SLC7A11: variants seen among roughly 807,000 people sequenced by gnomAD.
The protein encoded by SLC7A11 is solute carrier family 7 member 11, also known as cystine/glutamate transporter.
Under a neutral mutation model 54.5 loss-of-function variants are expected in SLC7A11, and 35 were observed. That is an observed-to-expected ratio of 0.64 (90% CI 0.49 to 0.85). SLC7A11 has a LOEUF of 0.85. Among genes scored for constraint, SLC7A11 ranks in the 40% least tolerant of loss-of-function variants. SLC7A11 has a pLI of 0.00. For missense variants in SLC7A11, 583 were observed against 618.1 expected (o/e 0.94, Z 0.60); for synonymous variants, 230 against 225.2 (o/e 1.02, Z -0.19).
chr4:138,183,154 A>G (rs756802234), intron 8 of SLC7A11, 48 bp downstream of exon 8: 1 of 1,318,852 alleles, frequency 7.6e-7, no homozygotes, highest in Non-Finnish European at 1.1e-6. Flanking sequence ...TATCACATCC[A>G]ATCTCAAAAA....
At chr4:138,190,336 G>T (rs543010516) in intron 6 of SLC7A11, among the ~76,000 whole-genome samples, 1 of 152,112 alleles carries the variant, frequency 6.6e-6, no homozygotes, top group African/African-American at 2.4e-5. Context: ...GGAAACTGGG[G>T]ACTATTTCTT....
At chr4:138,183,614 G>A (rs770679287) in intron 7 of SLC7A11, among the ~76,000 whole-genome samples, 2 of 152,110 alleles carry the variant, frequency 1.3e-5, no homozygotes, top group Non-Finnish European at 2.9e-5. Flanking sequence ...ACTCTGACAA[G>A]TGATAAAAGC....
intron 7 of SLC7A11, among the ~76,000 whole-genome samples, chr4:138,183,801 T>C (rs1409109567): frequency 6.6e-6 from 1 of 152,138 alleles, no homozygotes; most frequent in Admixed American, 6.6e-5. Context: ...ATTTATAGCA[T>C]ATACATGAGT....
intron 4 of SLC7A11, among the ~76,000 whole-genome samples, chr4:138,222,576 C>A (rs79382880): frequency 6.6e-6 from 1 of 152,076 alleles, no homozygotes; most frequent in Admixed American, 6.5e-5. Context: ...CTCTCAATTT[C>A]TTTTTTTAAA....
chr4:138,236,316 T>C lies in SLC7A11; in HGVS notation c.404+9A>G, dbSNP rs756181608. ...TATTTTTTCTTAATTCTTTCTACTATGCTCTTACCGTATTATGAGGAGTTC... is the reference window on the plus strand; with the variant it reads ...TATTTTTTCTTAATTCTTTCTACTACGCTCTTACCGTATTATGAGGAGTTC... On this transcript the variant is annotated intron_variant, in intron 2 of 11. Transcript: ENST00000280612. 2.5e-6 allele frequency: 4 copies of C among 1,599,686 alleles called. No homozygotes were observed. The highest frequency in any genetic ancestry group is 3.4e-6 in the Non-Finnish European group (4 of 1,175,744).
chr4:138,209,852 C>A (rs1407030903), intron 6 of SLC7A11, among the ~76,000 whole-genome samples: 1 of 151,986 alleles, frequency 6.6e-6, no homozygotes. Flanking sequence ...CTATTCCTAT[C>A]AAACTACCAA....
At position 138,166,916 on chromosome 4, in the gene SLC7A11, T is replaced by A. The variant is rs1179618048; in HGVS notation, c.*5040A>T. ...GAAAGGACAGTTATCTCACGACATA[T>A]GGAAAATTGGTGAATTTCCTGTGAG... On this transcript the variant is annotated 3_prime_UTR_variant, in exon 12 of 12. Coordinates refer to ENST00000280612, the MANE Select transcript of SLC7A11 (RefSeq NM_014331.4). 1 of 152,284 alleles carries A rather than the reference T, an allele frequency of 6.6e-6. No individual in the cohort carries two copies. The highest frequency in any genetic ancestry group is 2.1e-4 in the South Asian group (1 of 4,822). 9.4% of individuals were successfully genotyped at this position (152,284 alleles called of 1,614,324 possible). A position where few individuals can be genotyped will look rare whatever the true frequency, so the allele number is the denominator to read the frequency against.
At chr4:138,226,575 G>A (rs970127636) in intron 3 of SLC7A11, among the ~76,000 whole-genome samples, 1 of 122,452 alleles carries the variant, frequency 8.2e-6, no homozygotes, top group Non-Finnish European at 1.9e-5. Flanking sequence ...GCCAGCGAGA[G>A]GTACAGTGAA....
intron 3 of SLC7A11, among the ~76,000 whole-genome samples, chr4:138,229,539 T>C (rs1169497482): frequency 6.6e-6 from 1 of 152,240 alleles, no homozygotes; most frequent in Non-Finnish European, 1.5e-5. Flanking sequence ...AGGAAATGTC[T>C]GGGTTCATCT....
intron 6 of SLC7A11, among the ~76,000 whole-genome samples, chr4:138,208,621 C>G (rs535422159): frequency 6.6e-6 from 1 of 152,012 alleles, no homozygotes; most frequent in Non-Finnish European, 1.5e-5. Context: ...ATTATTACTA[C>G]TATATATATG....
rs1736280233 is a variant in SLC7A11 at position 138,167,112 on chromosome 4, GA to G, written c.*4843del. The stretch of plus-strand genomic sequence containing the variant: ...ACTAATAAACTAAGGATGACCTAGA[GA>G]GCATACCTTTAGCTATTATTTAAAA... On this transcript the variant is annotated 3_prime_UTR_variant, in exon 12 of 12. Transcript: ENST00000280612. 1 of 147,714 alleles carries G rather than the reference GA, an allele frequency of 6.8e-6. No individual in the cohort carries two copies. Among genetic ancestry groups the G allele is most frequent in the African/African-American group, 2.5e-5 (1 of 40,346 alleles). 9.2% of individuals were successfully genotyped at this position (147,714 alleles called of 1,614,324 possible). A position where few individuals can be genotyped will look rare whatever the true frequency, so the allele number is the denominator to read the frequency against.
rs72946094 is a variant in SLC7A11, at chr4:138,182,463, C to T, written c.1020-70G>A. On this transcript the variant is annotated intron_variant, in intron 8 of 11. Coordinates refer to ENST00000280612, the MANE Select transcript of SLC7A11 (RefSeq NM_014331.4). ...ATTTCAAAGGGAAAATCCAAAAATCCCAGAGAAAACGTGCATCTTTTCATA... is the reference window on the plus strand; with the variant it reads ...ATTTCAAAGGGAAAATCCAAAAATCTCAGAGAAAACGTGCATCTTTTCATA... 2.2e-4 allele frequency: 202 copies of T among 930,212 alleles called. No homozygotes were observed. In the African/African-American group the frequency reaches 2.7e-3, roughly 13 times the overall value. 57.6% of individuals were successfully genotyped at this position (930,212 alleles called of 1,614,324 possible).
At chr4:138,223,553 A>T (rs749326708) in intron 3 of SLC7A11, among the ~76,000 whole-genome samples, 26 of 152,334 alleles carry the variant, frequency 1.7e-4, no homozygotes, top group Non-Finnish European at 2.2e-4. Context: ...AGAAACATGG[A>T]TAAAGCCTCT....
chr4:138,181,597 T>C (rs1736744632), intron 9 of SLC7A11, among the ~76,000 whole-genome samples: 1 of 152,094 alleles, frequency 6.6e-6, no homozygotes. Context: ...AAAAAAATGT[T>C]CAGTGCATTC....
chr4:138,182,378 C>G lies in SLC7A11; in HGVS notation c.1035G>C (p.Ala345=). Residue 345 remains alanine (A), a synonymous_variant, in exon 9 of 12, where the codon GCG becomes GCC. Transcript: ENST00000280612. ...TTTCTGGAAGGTGACCCTCTCGAGA[C>G]GCAACATAGAATAACCTGATGGGAG... ...VFAVSRLFYV[A]SREGHLPEIL... 1.2e-6 allele frequency: 2 copies of G among 1,607,058 alleles called. No homozygotes were observed. Among genetic ancestry groups the G allele is most frequent in the Non-Finnish European group, 1.7e-6 (2 of 1,174,314 alleles).
intron 6 of SLC7A11, among the ~76,000 whole-genome samples, chr4:138,200,059 G>A (rs910574789): frequency 2.6e-5 from 4 of 151,988 alleles, no homozygotes; most frequent in Admixed American, 1.3e-4. Context: ...TATCTCCCTC[G>A]TTTCTTTTTG....
chr4:138,180,257 A>G lies in SLC7A11; in HGVS notation c.1266+384T>C, dbSNP rs74967770. On this transcript the variant is annotated intron_variant, in intron 10 of 11. Coordinates refer to ENST00000280612, the MANE Select transcript of SLC7A11 (RefSeq NM_014331.4). ...AGGCAAATTCCTTTTTGGAATTGGC[A>G]TTAACAAAGTATCTCCCTTACTCCT... 3.4e-3 allele frequency among the ~76,000 whole-genome samples: 519 copies of G among 152,250 alleles called. 4 individuals carry two copies. Among genetic ancestry groups the G allele is most frequent in the African/African-American group, 0.012 (490 of 41,558 alleles).
intron 11 of SLC7A11, 80 bp from the exon 12 acceptor site, chr4:138,172,097 G>A: frequency 1.4e-6 from 2 of 1,412,696 alleles, no homozygotes; most frequent in Non-Finnish European, 1.9e-6. Context: ...ATTATTTTGG[G>A]TTGAATACCA....
chr4:138,173,574 C>CT (rs1417468850), intron 11 of SLC7A11, among the ~76,000 whole-genome samples: 1 of 151,588 alleles, frequency 6.6e-6, no homozygotes, highest in African/African-American at 2.4e-5. Flanking sequence ...GCAGAGGTTG[C>CT]TGTAAGCCGA....
Sources: allele counts gnomAD v4.1 joint callset (sites outside exome capture counted in the v4.1 genomes callset), GRCh38; gene constraint gnomAD v4.1.1; transcripts MANE v1.5; gene names NCBI Gene and HGNC (gene_info 2026-07-23, HGNC 2026-07-21).